LRP1B: variants seen among roughly 807,000 people sequenced by gnomAD.
The protein encoded by LRP1B is low-density lipoprotein receptor-related protein 1B.
A neutral mutation model predicts 556.6 loss-of-function variants in LRP1B; 217 were observed. That is an observed-to-expected ratio of 0.39 (90% CI 0.35 to 0.44). LRP1B has a LOEUF of 0.44. Ranked by LOEUF, LRP1B falls within the 20% of genes least tolerant of loss-of-function variation. LRP1B has a pLI of 1.00. For synonymous variants in LRP1B, 2,047 were observed against 1,865.8 expected (o/e 1.10, Z -2.50); for missense variants, 5,053 against 5,620.8 (o/e 0.90, Z 3.23).
intron 11 of LRP1B, among the ~76,000 whole-genome samples, chr2:141,024,586 C>T (rs1392211050): frequency 1.3e-5 from 2 of 151,834 alleles, no homozygotes; most frequent in Non-Finnish European, 2.9e-5. Flanking sequence ...ATCATAGTTA[C>T]CAATAATCTA....
intron 1 of LRP1B, among the ~76,000 whole-genome samples, chr2:142,085,283 G>A (rs1405445294): frequency 1.3e-5 from 2 of 152,096 alleles, no homozygotes; most frequent in Non-Finnish European, 2.9e-5. Flanking sequence ...TGGATTATCT[G>A]CATCTTCTAA....
chr2:141,192,011 T>C (rs956921780), intron 6 of LRP1B, among the ~76,000 whole-genome samples: 3 of 151,952 alleles, frequency 2.0e-5, no homozygotes, highest in Non-Finnish European at 4.4e-5. Context: ...TTTCTGCCAC[T>C]GAAACAATAG....
At chr2:140,459,968 C>G (rs1377270241) in intron 60 of LRP1B, among the ~76,000 whole-genome samples, 6 of 152,134 alleles carry the variant, frequency 3.9e-5, no homozygotes, top group Non-Finnish European at 7.4e-5. Flanking sequence ...AGCCATGTCT[C>G]CTGTACAGCC....
chr2:141,107,924 C>A (rs10202287), intron 7 of LRP1B, among the ~76,000 whole-genome samples: 54,330 of 151,480 alleles, frequency 0.36, 10,146 homozygotes, highest in East Asian at 0.66. Context: ...TGGTAAATCA[C>A]ACATTTTTAA....
chr2:140,776,869 TA>T (rs34595856), intron 32 of LRP1B, among the ~76,000 whole-genome samples: 1 of 151,744 alleles, frequency 6.6e-6, no homozygotes, highest in South Asian at 2.1e-4. Flanking sequence ...GTGCCACAGA[TA>T]AAAAAATAGA....
At chr2:141,614,504 T>A (rs966693788) in intron 2 of LRP1B, among the ~76,000 whole-genome samples, 1 of 152,188 alleles carries the variant, frequency 6.6e-6, no homozygotes. Flanking sequence ...GCATATGTAA[T>A]CAAGTTAAGA....
chr2:140,850,526 C>G (rs117019289), intron 28 of LRP1B, among the ~76,000 whole-genome samples, 197 bp from the exon 29 acceptor site: 1 of 152,018 alleles, frequency 6.6e-6, no homozygotes, highest in Admixed American at 6.6e-5. Flanking sequence ...GAGTTAGAAG[C>G]CTTACATCAT....
chr2:142,031,367 G>A (rs1254417015), intron 1 of LRP1B, among the ~76,000 whole-genome samples: 1 of 101,188 alleles, frequency 9.9e-6, no homozygotes, highest in East Asian at 4.3e-4. Context: ...CTAAGTTTTA[G>A]GGTACATGTG....
chr2:140,266,649 G>T (rs955974798), intron 86 of LRP1B, among the ~76,000 whole-genome samples: 2 of 151,488 alleles, frequency 1.3e-5, no homozygotes, highest in African/African-American at 4.9e-5. Context: ...ATTCTCCTTT[G>T]ATTGTGCTGT....
At chr2:142,091,196 C>G (rs1056568352) in intron 1 of LRP1B, among the ~76,000 whole-genome samples, 1 of 152,052 alleles carries the variant, frequency 6.6e-6, no homozygotes, top group African/African-American at 2.4e-5. Flanking sequence ...TTATCTACAA[C>G]TTCTATTTTC....
At chr2:140,759,755 C>G (rs533056110) in intron 35 of LRP1B, among the ~76,000 whole-genome samples, 3 of 152,146 alleles carry the variant, frequency 2.0e-5, no homozygotes, top group African/African-American at 7.2e-5. Context: ...ACATTCAGCG[C>G]GCCTTGGTGA....
intron 2 of LRP1B, among the ~76,000 whole-genome samples, chr2:141,613,814 T>C (rs528148993): frequency 1.3e-4 from 20 of 152,120 alleles, no homozygotes; most frequent in Non-Finnish European, 2.2e-4. Context: ...AGCTCATGCA[T>C]GTAATCCCAG....
At chr2:141,441,100 G>A (rs961539802) in intron 3 of LRP1B, among the ~76,000 whole-genome samples, 11 of 151,134 alleles carry the variant, frequency 7.3e-5, no homozygotes, top group South Asian at 2.1e-4. Flanking sequence ...TTTCTGGGTC[G>A]GAGTCTTGCT....
At chr2:140,899,076 G>A (rs1223418743) in intron 23 of LRP1B, 1 of 259,524 alleles carries the variant, frequency 3.9e-6, no homozygotes, top group South Asian at 4.6e-5. Context: ...ACTTCAATAA[G>A]TACATGGAGA....
At chr2:141,548,465 C>T (rs1279194655) in intron 2 of LRP1B, among the ~76,000 whole-genome samples, 2 of 152,220 alleles carry the variant, frequency 1.3e-5, no homozygotes, top group Admixed American at 1.3e-4. Context: ...ATTTATCTGG[C>T]TTCGGAAATG....
intron 57 of LRP1B, among the ~76,000 whole-genome samples, chr2:140,491,369 T>G (rs75016270): frequency 0.04 from 6,141 of 152,158 alleles, 174 homozygotes; most frequent in Non-Finnish European, 0.047. Flanking sequence ...TGTGTGTATA[T>G]ATATACAGCT....
rs1264475214 is a variant in LRP1B, at chr2:140,466,978, G to A, written c.9625+8160C>T. On this transcript the variant is annotated intron_variant, in intron 60 of 90. Transcript: ENST00000389484. ...TACAAGTGGTCAAAAATAAACTTCA[G>A]TCAAAATAGAATTTTCTAATATTTA... 2.6e-5 allele frequency among the ~76,000 whole-genome samples: 4 copies of A among 152,206 alleles called. No individual in the cohort carries two copies. The East Asian group carries it at 5.8e-4, about 22-fold the overall frequency.
Position 141,005,455 on chromosome 2 carries a change from C to A in LRP1B, c.2383G>T (p.Asp795Tyr), listed in dbSNP as rs756605370. Residue 795 changes from aspartate (D) to tyrosine (Y), a missense_variant and splice_region_variant, in exon 15 of 91, where the codon GAC becomes TAC. Asp to Tyr is a radical substitution (Grantham distance 160). This residue lies in a region of LRP1B where 3,619 missense variants were observed against 3,931.9 expected (regional missense o/e 0.92). Coordinates refer to ENST00000389484, the MANE Select transcript of LRP1B (RefSeq NM_018557.3). Reference protein sequence around the residue: ...QIYDPRKQQGDNMCRVNNGGC... With the variant: ...QIYDPRKQQGYNMCRVNNGGC... Reference sequence around the variant, plus strand: ...CCATTATTTACTCGGCACATATTGTCACCTGCAAGAGGAAGAAAGCAAATG... The same window carrying A: ...CCATTATTTACTCGGCACATATTGTAACCTGCAAGAGGAAGAAAGCAAATG... 1 of 1,609,354 alleles carries A rather than the reference C, an allele frequency of 6.2e-7. No homozygotes were observed. The highest frequency in any genetic ancestry group is 8.5e-7 in the Non-Finnish European group (1 of 1,177,102).
At chr2:140,662,532 C>T (rs914757627) in intron 41 of LRP1B, among the ~76,000 whole-genome samples, 1 of 151,942 alleles carries the variant, frequency 6.6e-6, no homozygotes, top group Admixed American at 6.6e-5. Context: ...GAACAAGGAA[C>T]TAATTTGAGG....
Sources: allele counts gnomAD v4.1 joint callset (sites outside exome capture counted in the v4.1 genomes callset), GRCh38; gene constraint gnomAD v4.1.1; regional missense constraint gnomAD v4.1.1; transcripts MANE v1.5; gene names NCBI Gene and HGNC (gene_info 2026-07-23, HGNC 2026-07-21).